DIAPH2: variants seen among roughly 807,000 people sequenced by gnomAD.
DIAPH2 encodes protein diaphanous homolog 2.
A neutral mutation model predicts 92.7 loss-of-function variants in DIAPH2; 35 were observed. That is an observed-to-expected ratio of 0.38 (90% CI 0.29 to 0.50). The LOEUF is 0.50. Among genes scored for constraint, DIAPH2 ranks in the 20% least tolerant of loss-of-function variants. The pLI, the probability that DIAPH2 is intolerant of heterozygous loss-of-function variation, is 0.94. For synonymous variants in DIAPH2, 301 were observed against 280.4 expected, an observed-to-expected ratio of 1.07 and a Z score of -0.73; for missense variants, 701 against 819.5, an observed-to-expected ratio of 0.86 and a Z score of 1.77.
chrX:97,423,803 A>T (rs73552484), intron 25 of DIAPH2, among the ~76,000 whole-genome samples: 1 of 112,026 alleles, frequency 8.9e-6, no homozygotes, highest in East Asian at 2.8e-4. Context: ...TAGGTATTGT[A>T]TGTTGTAAAA....
chrX:97,584,001 C>T (rs1259063508), intron 26 of DIAPH2, among the ~76,000 whole-genome samples: 2 of 112,736 alleles, frequency 1.8e-5, no homozygotes, highest in Non-Finnish European at 3.8e-5. Context: ...TTGGGCTTCC[C>T]GAGTGAGGCA....
At chrX:97,588,748 C>T (rs1267650851) in intron 26 of DIAPH2, among the ~76,000 whole-genome samples, 1 of 108,718 alleles carries the variant, frequency 9.2e-6, no homozygotes, top group Non-Finnish European at 1.9e-5. Flanking sequence ...ACGGCCCTTA[C>T]TGAAACAGGG....
intron 26 of DIAPH2, among the ~76,000 whole-genome samples, chrX:97,470,707 A>C (rs1027945682): frequency 2.7e-5 from 3 of 109,822 alleles, no homozygotes; most frequent in Non-Finnish European, 5.7e-5. Flanking sequence ...AAAAAAAAAA[A>C]CAACCACGCA....
At chrX:96,814,072 A>C (rs1000460933) in intron 4 of DIAPH2, among the ~76,000 whole-genome samples, 13 of 111,040 alleles carry the variant, frequency 1.2e-4, no homozygotes, top group East Asian at 2.8e-4. Flanking sequence ...TGTTGGCCTG[A>C]CTTGCTAGTT....
chrX:97,270,365 T>A (rs2068376558), intron 23 of DIAPH2, among the ~76,000 whole-genome samples: 1 of 112,234 alleles, frequency 8.9e-6, no homozygotes, highest in Non-Finnish European at 1.9e-5. Context: ...TGCTCGGCCT[T>A]GAAGGAGATA....
intron 4 of DIAPH2, among the ~76,000 whole-genome samples, chrX:96,767,501 A>C (rs775685187): frequency 1.8e-5 from 2 of 112,064 alleles, no homozygotes; most frequent in Non-Finnish European, 3.8e-5. Context: ...AATATATTTA[A>C]CATGTAAAGA....
intron 23 of DIAPH2, among the ~76,000 whole-genome samples, chrX:97,287,723 TAA>T (rs746109496): frequency 1.0e-4 from 9 of 86,219 alleles, no homozygotes; most frequent in Non-Finnish European, 1.8e-4. Context: ...GTCAATTATT[TAA>T]AAAAAAAAAA....
intron 25 of DIAPH2, among the ~76,000 whole-genome samples, chrX:97,408,392 G>A (rs148829142): frequency 0.012 from 1,302 of 105,682 alleles, 18 homozygotes; most frequent in African/African-American, 0.042. Flanking sequence ...TAATTTAAAG[G>A]TTAGATTCAA....
intron 17 of DIAPH2, among the ~76,000 whole-genome samples, chrX:97,055,140 T>C (rs113789981): frequency 0.034 from 3,688 of 108,930 alleles, 183 homozygotes; most frequent in African/African-American, 0.12. Flanking sequence ...CTTATTCTGT[T>C]GTCTGGGCTC....
At chrX:96,936,999 A>G (rs1464992762) in intron 10 of DIAPH2, among the ~76,000 whole-genome samples, 1 of 111,742 alleles carries the variant, frequency 8.9e-6, no homozygotes, top group Non-Finnish European at 1.9e-5. Flanking sequence ...TTAATTTTTT[A>G]ATGTGAATAA....
At chrX:96,791,372 T>G (rs185137319) in intron 4 of DIAPH2, among the ~76,000 whole-genome samples, 50 of 111,583 alleles carry the variant, frequency 4.5e-4, no homozygotes, top group African/African-American at 1.5e-3. Flanking sequence ...CTTAACACTT[T>G]GTGGAGAAAG....
chrX:97,468,734 A>G (rs933917351), intron 26 of DIAPH2, among the ~76,000 whole-genome samples: 1 of 111,459 alleles, frequency 9.0e-6, no homozygotes, highest in African/African-American at 3.3e-5. Flanking sequence ...ATTTAACACT[A>G]AAACATTAGT....
Position 97,593,489 on chromosome X carries a change from A to G in DIAPH2, c.3242-5764A>G, listed in dbSNP as rs186929189. 3.1e-4 allele frequency among the ~76,000 whole-genome samples: 34 copies of G among 111,331 alleles called. No homozygotes were observed. The East Asian group carries it at 8.9e-3, about 29-fold the overall frequency. On this transcript the variant is annotated intron_variant, in intron 26 of 26. Coordinates refer to ENST00000324765, the MANE Select transcript of DIAPH2 (RefSeq NM_006729.5). ...TAAATAGTTACATGTAAAAAAAAAA[A>G]ACAAGTTAAACCTTAAAGAGCAAGA...
chrX:97,197,800 A>G (rs778213922), intron 22 of DIAPH2, among the ~76,000 whole-genome samples: 1 of 111,914 alleles, frequency 8.9e-6, no homozygotes, highest in Non-Finnish European at 1.9e-5. Context: ...TGAAGTGTTC[A>G]GGTCATTTTA....
At chrX:96,700,089 G>A (rs2063846564) in intron 1 of DIAPH2, among the ~76,000 whole-genome samples, 2 of 111,842 alleles carry the variant, frequency 1.8e-5, no homozygotes, top group Admixed American at 1.9e-4. Context: ...GCTCACTGCA[G>A]CCTCGACCTC....
chrX:96,764,704 C>T (rs1033131107), intron 4 of DIAPH2, among the ~76,000 whole-genome samples: 10 of 111,343 alleles, frequency 9.0e-5, no homozygotes, highest in African/African-American at 3.3e-4. Flanking sequence ...TATCTAGCAC[C>T]TCCAGAGATT....
At chrX:97,393,681 C>T (rs2069680105) in intron 25 of DIAPH2, among the ~76,000 whole-genome samples, 1 of 111,828 alleles carries the variant, frequency 8.9e-6, no homozygotes, top group South Asian at 3.7e-4. Flanking sequence ...AGAGAAAAAG[C>T]TTACCAAATA....
chrX:96,765,436 C>T (rs1287061895), intron 4 of DIAPH2, among the ~76,000 whole-genome samples: 1 of 110,466 alleles, frequency 9.1e-6, no homozygotes, highest in African/African-American at 3.3e-5. Context: ...TGAGCTCAAG[C>T]GATCCGCCTG....
intron 26 of DIAPH2, chrX:97,469,639 T>G: frequency 7.2e-6 from 8 of 1,111,251 alleles, no homozygotes; most frequent in Admixed American, 2.3e-5. Flanking sequence ...GTGCATTATG[T>G]TTTTTTATTT....
Sources: gnomAD v4.1 joint callset for allele counts (sites outside exome capture counted in the v4.1 genomes callset) on GRCh38, gnomAD v4.1.1 for gene constraint, MANE v1.5 for transcripts, NCBI Gene and HGNC (gene_info 2026-07-23, HGNC 2026-07-21) for gene names.